Variants in PLA2R1 observed in about 807,000 individuals in gnomAD.
PLA2R1 encodes secretory phospholipase A2 receptor.
In PLA2R1, 158 loss-of-function variants were observed where a neutral mutation model predicts 195.9. The observed-to-expected ratio is 0.81, with a 90% CI of 0.71 to 0.92. PLA2R1 has a LOEUF of 0.92. Ranked by LOEUF, PLA2R1 falls within the 40% of genes least tolerant of loss-of-function variation. The pLI, the probability that PLA2R1 is intolerant of heterozygous loss-of-function variation, is 0.00. For missense variants in PLA2R1, 1,626 were observed against 1,764.6 expected (o/e 0.92, Z 1.41); for synonymous variants, 586 against 598.2 (o/e 0.98, Z 0.30).
chr2:159,982,722 C>A (rs1343975869), intron 13 of PLA2R1, among the ~76,000 whole-genome samples: 1 of 152,092 alleles, frequency 6.6e-6, no homozygotes, highest in African/African-American at 2.4e-5. Flanking sequence ...ATGGGAATGT[C>A]CTACAAGGAA....
chr2:160,038,199 G>A (rs1175444909), intron 3 of PLA2R1, among the ~76,000 whole-genome samples: 2 of 152,198 alleles, frequency 1.3e-5, no homozygotes, highest in Non-Finnish European at 2.9e-5. Context: ...AAATAGGGAT[G>A]AAAGAATTGC....
At chr2:159,928,607 A>C (rs1686531813), downstream of PLA2R1, among the ~76,000 whole-genome samples, 1 of 152,288 alleles carries the variant, frequency 6.6e-6, no homozygotes, top group South Asian at 2.1e-4. Flanking sequence ...AATTCAATGC[A>C]TTTCCCATCA....
intron 1 of PLA2R1, among the ~76,000 whole-genome samples, chr2:160,059,372 G>A (rs904761936): frequency 6.6e-6 from 1 of 152,188 alleles, no homozygotes; most frequent in Non-Finnish European, 1.5e-5. Context: ...TAATTGTTAT[G>A]GGGCTGTCAA....
chr2:160,026,958 A>AC (rs1265454759), intron 6 of PLA2R1, among the ~76,000 whole-genome samples: 1 of 152,132 alleles, frequency 6.6e-6, no homozygotes, highest in Non-Finnish European at 1.5e-5. Flanking sequence ...ACATGGTGAA[A>AC]CCCCGTCTCT....
At chr2:160,055,655 G>C (rs1452184705) in intron 1 of PLA2R1, among the ~76,000 whole-genome samples, 1 of 152,218 alleles carries the variant, frequency 6.6e-6, no homozygotes, top group Non-Finnish European at 1.5e-5. Flanking sequence ...AGTGCAGAGT[G>C]CTTGGTTCGA....
At chr2:160,011,281 G>A (rs1692344132) in intron 10 of PLA2R1, among the ~76,000 whole-genome samples, 1 of 152,182 alleles carries the variant, frequency 6.6e-6, no homozygotes, top group Non-Finnish European at 1.5e-5. Flanking sequence ...TATCTGTAAT[G>A]TCACTGTGAG....
chr2:160,012,919 T>C (rs955176715), intron 10 of PLA2R1, among the ~76,000 whole-genome samples: 4 of 150,756 alleles, frequency 2.7e-5, no homozygotes, highest in African/African-American at 9.8e-5. Context: ...CTCAAAAAAA[T>C]GAAAAAAAAT....
chr2:159,942,233 G>A, intron 28 of PLA2R1, 74 bp from the exon 29 acceptor site: 1 of 1,157,576 alleles, frequency 8.6e-7, no homozygotes, highest in Non-Finnish European at 1.3e-6. Flanking sequence ...CTTACTCAGG[G>A]ATCAGCAAAC....
intron 16 of PLA2R1, 49 bp from the exon 17 acceptor site, chr2:159,976,274 T>A: frequency 7.3e-7 from 1 of 1,362,760 alleles, no homozygotes; most frequent in Non-Finnish European, 1.0e-6. Flanking sequence ...ATAGGTATGC[T>A]AGGATTGACC....
rs1316558221 is a variant in PLA2R1 at position 160,016,290 on chromosome 2, A to AAAAG, written c.1551+320_1551+323dup. Among the ~76,000 whole-genome samples, 3 of 151,534 alleles carry AAAAG rather than the reference A, an allele frequency of 2.0e-5. No homozygotes were observed. In the South Asian group the frequency reaches 6.2e-4, roughly 32 times the overall value. On this transcript the variant is annotated intron_variant, in intron 9 of 29. Coordinates refer to ENST00000283243, the MANE Select transcript of PLA2R1 (RefSeq NM_007366.5). ...AAAAAAAAAAAAGAAAAAGAAAAAG[A>AAAAG]AAAGAAAGAAAGACTAGGAAAACCA...
At chr2:159,998,891 T>C (rs1558890007) in intron 11 of PLA2R1, among the ~76,000 whole-genome samples, 2 of 152,282 alleles carry the variant, frequency 1.3e-5, no homozygotes, top group Admixed American at 1.3e-4. Flanking sequence ...GTTAGAGTTC[T>C]TTATTTTATA....
At chr2:159,956,441 G>A (rs1560144808) in intron 21 of PLA2R1, 69 bp downstream of exon 21, 22 of 823,842 alleles carry the variant, frequency 2.7e-5, no homozygotes, top group Non-Finnish European at 4.3e-5. Context: ...GTATAGGTGG[G>A]GGGGATATTT....
Position 160,022,842 on chromosome 2 carries a change from A to G in PLA2R1, c.1117T>C (p.Tyr373His), listed in dbSNP as rs979239387. 4 of 1,591,548 alleles carry G rather than the reference A, an allele frequency of 2.5e-6. No homozygotes were observed. Among genetic ancestry groups the G allele is most frequent in the African/African-American group, 1.4e-5 (1 of 73,622 alleles). The change falls in exon 7 of 30, where the codon TAT (tyrosine) becomes CAT (histidine). Residue 373 changes from tyrosine (Y) to histidine (H), a missense_variant. Coordinates refer to ENST00000283243, the MANE Select transcript of PLA2R1 (RefSeq NM_007366.5). The stretch of plus-strand genomic sequence containing the variant: ...CCAGGCTCACAGTGGGTAGCATAAT[A>G]TTTCCACGCATCTTTTTCTTTTTAA... ...HEIVEKDAWK[Y>H]YATHCEPGWN...
At position 159,976,144 on chromosome 2, in the gene PLA2R1, C is replaced by T. The variant is rs1689538458; in HGVS notation, c.2519G>A (p.Cys840Tyr). Residue 840 changes from cysteine to tyrosine, a missense_variant, in exon 17 of 30, where the codon TGT becomes TAT. By Grantham distance (194) the Cys-to-Tyr change is radical (BLOSUM62 -2). Coordinates refer to ENST00000283243, the MANE Select transcript of PLA2R1 (RefSeq NM_007366.5). ...GAGAAGATCACTGTGCAGCCAGCTA[C>T]AGACAAACTCAAAGTTCAACCATTC... ...ASEWLNFEFV[C>Y]SWLHSDLLTI... is the part of the protein sequence containing the mutation. The T allele has an allele frequency of 4.3e-6, 7 of 1,612,064 alleles. No individual in the cohort carries two copies. The highest frequency in any genetic ancestry group is 1.3e-5 in the African/African-American group (1 of 74,836).
chr2:160,060,986 A>G (rs4664308), intron 1 of PLA2R1, among the ~76,000 whole-genome samples: 45,867 of 152,240 alleles, frequency 0.3, 8,716 homozygotes, highest in Non-Finnish European at 0.42. Flanking sequence ...TCACTTTAGA[A>G]TAAGAATGGT....
At chr2:159,926,876 G>A in the PLA2R1 span, among the ~76,000 whole-genome samples, 2 of 152,118 alleles carry the variant, frequency 1.3e-5, no homozygotes, top group Non-Finnish European at 2.9e-5. Flanking sequence ...CTATGGAGAG[G>A]AGCAGGTGAC....
At chr2:159,991,597 A>G (rs1160718160) in intron 11 of PLA2R1, among the ~76,000 whole-genome samples, 1 of 142,806 alleles carries the variant, frequency 7.0e-6, no homozygotes, top group Non-Finnish European at 1.5e-5. Flanking sequence ...ATATCTCCCA[A>G]TGCTATCCCT....
Position 159,955,783 on chromosome 2 carries a change from A to G in PLA2R1, c.3068T>C (p.Ile1023Thr). Residue 1023 changes from isoleucine (I) to threonine (T), a missense_variant, in exon 22 of 30, where the codon ATA (isoleucine) becomes ACA (threonine). Ile to Thr is a moderately conservative substitution (Grantham distance 89). Transcript: ENST00000283243. ...TTCATAATCATCATTTTGTAAACCT[A>G]TCCACACACTGGTGGTCTGGCCAAA... ...NLFGQTTSVWIGLQNDDYETW... is the reference protein window; with the variant it reads ...NLFGQTTSVWTGLQNDDYETW... 1 of 1,596,968 alleles carries G rather than the reference A, an allele frequency of 6.3e-7. No individual in the cohort carries two copies. Among genetic ancestry groups the G allele is most frequent in the Non-Finnish European group, 8.6e-7 (1 of 1,167,642 alleles).
Position 159,945,743 on chromosome 2 carries a change from T to C in PLA2R1, c.3968-661A>G, listed in dbSNP as rs1249579223. ...ATGGGATGGCAGCCCCTGAATTTAA[T>C]GAGACTCTTGAACTAATACATTCAA... is the stretch of plus-strand genomic sequence containing the variant. On this transcript the variant is annotated intron_variant, in intron 27 of 29. Transcript: ENST00000283243. 7 of 968,064 alleles carry C rather than the reference T, an allele frequency of 7.2e-6. No homozygotes were observed. The African/African-American group carries it at 8.8e-5, about 12-fold the overall frequency. The allele number at this position is 968,064 out of a possible 1,614,324, so 60.0% of individuals were successfully genotyped here.
Sources: allele counts gnomAD v4.1 joint callset (sites outside exome capture counted in the v4.1 genomes callset), GRCh38; gene constraint gnomAD v4.1.1; transcripts MANE v1.5; gene names NCBI Gene and HGNC (gene_info 2026-07-23, HGNC 2026-07-21).